Variants in FNBP1L observed in about 807,000 individuals in gnomAD.
The protein encoded by FNBP1L is formin-binding protein 1-like.
FNBP1L carries 36 observed loss-of-function variants against 91.2 expected under a neutral mutation model. The observed-to-expected ratio is 0.39, with a 90% confidence interval of 0.30 to 0.52. The LOEUF (loss-of-function observed/expected upper bound fraction) is 0.52, where lower values mean the gene tolerates loss of function less well. Among genes scored for constraint, FNBP1L ranks in the 20% least tolerant of loss-of-function variants. The probability of loss-of-function intolerance (pLI) is 0.66; values close to 1 mark genes in which losing one functional copy is unlikely to be tolerated. For synonymous variants in FNBP1L, 242 were observed against 237.0 expected (o/e 1.02, Z -0.19); for missense variants, 571 against 732.1 (o/e 0.78, Z 2.54).
At position 93,524,247 on chromosome 1, in the gene FNBP1L, GT is replaced by G; in HGVS notation, c.343-12del. 6.8e-7 allele frequency: 1 copy of G among 1,464,780 alleles called. No individual in the cohort carries two copies. Among genetic ancestry groups the G allele is most frequent in the Non-Finnish European group, 9.0e-7 (1 of 1,108,774 alleles). The allele number at this position is 1,464,780 out of a possible 1,614,324, so 90.7% of individuals were successfully genotyped here. On this transcript the variant is annotated splice_polypyrimidine_tract_variant and intron_variant, in intron 4 of 16. Transcript: ENST00000271234. ...TTTATTTTTATTTTTTTTGGCCGTG[GT>G]TATAATCTTCAGCATCTGCAAGAAG...
At chr1:93,456,704 C>A (rs1177392577) in intron 1 of FNBP1L, among the ~76,000 whole-genome samples, 1 of 150,434 alleles carries the variant, frequency 6.6e-6, no homozygotes, top group African/African-American at 2.4e-5. Context: ...CACCTGAGCC[C>A]AGGAGTCGAG....
At chr1:93,459,301 G>T (rs879192443) in intron 1 of FNBP1L, among the ~76,000 whole-genome samples, 1 of 152,128 alleles carries the variant, frequency 6.6e-6, no homozygotes, top group Non-Finnish European at 1.5e-5. Flanking sequence ...TGTGGTTAAG[G>T]GGGGACTACT....
At chr1:93,511,965 CAAAAAAAAAAA>C (rs34752421) in intron 2 of FNBP1L, among the ~76,000 whole-genome samples, 10 of 66,288 alleles carry the variant, frequency 1.5e-4, no homozygotes, top group African/African-American at 5.7e-4. Flanking sequence ...GACTCCGTCT[CAAAAAAAAAAA>C]AAAAAAAAAA....
chr1:93,451,284 G>A (rs1668484328), intron 1 of FNBP1L, among the ~76,000 whole-genome samples: 1 of 151,900 alleles, frequency 6.6e-6, no homozygotes, highest in Non-Finnish European at 1.5e-5. Flanking sequence ...TAACAGATAG[G>A]GACATTAGAG....
chr1:93,546,636 A>G (rs1672248970), intron 12 of FNBP1L, among the ~76,000 whole-genome samples: 1 of 152,204 alleles, frequency 6.6e-6, no homozygotes, highest in South Asian at 2.1e-4. Context: ...CTCTTTTGGT[A>G]TTCTGATTGT....
intron 8 of FNBP1L, 81 bp from the exon 9 acceptor site, chr1:93,534,624 T>G: frequency 2.3e-6 from 2 of 860,200 alleles, no homozygotes; most frequent in South Asian, 2.3e-5. Context: ...TTGTTGTTTT[T>G]TTGTACTGAA....
At chr1:93,548,759 C>T (rs898675482) in intron 14 of FNBP1L, among the ~76,000 whole-genome samples, 5 of 152,144 alleles carry the variant, frequency 3.3e-5, no homozygotes, top group African/African-American at 1.2e-4. Context: ...AGTGAATTCT[C>T]TTCGAAGAGT....
intron 1 of FNBP1L, among the ~76,000 whole-genome samples, chr1:93,483,403 TACAGTC>T (rs1445047433): frequency 6.6e-6 from 1 of 152,198 alleles, no homozygotes; most frequent in African/African-American, 2.4e-5. Context: ...CCACCAGTAT[TACAGTC>T]ACAGTAAGTC....
At chr1:93,477,625 G>A (rs558163471) in intron 1 of FNBP1L, among the ~76,000 whole-genome samples, 1 of 152,244 alleles carries the variant, frequency 6.6e-6, no homozygotes, top group South Asian at 2.1e-4. Flanking sequence ...CTGCTTCTCA[G>A]AAAATGAAGA....
In FNBP1L at chr1:93,463,436, A is replaced by G. The variant is rs544372369; in HGVS notation, c.24+15131A>G. 3.9e-5 allele frequency among the ~76,000 whole-genome samples: 6 copies of G among 152,290 alleles called. No individual in the cohort carries two copies. In the South Asian group the frequency reaches 1.0e-3, roughly 26 times the overall value. Reference sequence around the variant, plus strand: ...TTAGGATGGGGTTGTGTTCCAATTAACCAGTTGTAAAGTTGAAAAACCATA... The same window carrying G: ...TTAGGATGGGGTTGTGTTCCAATTAGCCAGTTGTAAAGTTGAAAAACCATA... On this transcript the variant is annotated intron_variant, in intron 1 of 16. Coordinates refer to ENST00000271234, the MANE Select transcript of FNBP1L (RefSeq NM_001164473.3).
Position 93,542,776 on chromosome 1 carries a change from CTTTTTTTTTT to C in FNBP1L, c.1165-1318_1165-1309del, listed in dbSNP as rs34922906. On this transcript the variant is annotated intron_variant, in intron 11 of 16. Transcript: ENST00000271234. Reference sequence around the variant, plus strand: ...TTATATTCTTTTTTCTTTTCTTTACCTTTTTTTTTTTTTTTTTTTTTTAAAAGACGGAGTC... The same window carrying C: ...TTATATTCTTTTTTCTTTTCTTTACCTTTTTTTTTTTTAAAAGACGGAGTC... Among the ~76,000 whole-genome samples, 29 of 125,590 alleles carry C rather than the reference CTTTTTTTTTT, an allele frequency of 2.3e-4. 1 individual carries two copies. The South Asian group carries it at 3.8e-3, about 16-fold the overall frequency. The allele number at this position is 125,590 out of a possible 152,430, so 82.4% of individuals were successfully genotyped here.
intron 1 of FNBP1L, among the ~76,000 whole-genome samples, chr1:93,478,245 A>T (rs562092172): frequency 6.6e-6 from 1 of 152,160 alleles, no homozygotes; most frequent in Non-Finnish European, 1.5e-5. Flanking sequence ...AGAGCAGGGT[A>T]TCAGAACCTG....
chr1:93,521,691 C>T (rs1234479313), intron 2 of FNBP1L, among the ~76,000 whole-genome samples: 2 of 152,114 alleles, frequency 1.3e-5, no homozygotes, highest in Non-Finnish European at 2.9e-5. Flanking sequence ...CTTTTTATAG[C>T]TCCATTGTTA....
chr1:93,480,992 GA>G (rs375975289), intron 1 of FNBP1L, among the ~76,000 whole-genome samples: 75 of 149,724 alleles, frequency 5.0e-4, no homozygotes, highest in African/African-American at 1.5e-3. Flanking sequence ...GTAGAATTAT[GA>G]AAAAAAAAAT....
chr1:93,472,252 TTCCC>T (rs1220765875), intron 1 of FNBP1L, among the ~76,000 whole-genome samples: 4 of 152,340 alleles, frequency 2.6e-5, no homozygotes, highest in Admixed American at 6.5e-5. Context: ...CTGAGTCATA[TTCCC>T]TTTTTACTCC....
intron 16 of FNBP1L, 187 bp from the exon 17 acceptor site, chr1:93,552,222 G>T (rs1672437119): frequency 7.2e-7 from 1 of 1,381,192 alleles, no homozygotes; most frequent in South Asian, 1.9e-5. Context: ...GTGTGGGGAA[G>T]TAAAGTGTGA....
At chr1:93,488,784 GA>G (rs577783826) in intron 1 of FNBP1L, among the ~76,000 whole-genome samples, 1 of 152,192 alleles carries the variant, frequency 6.6e-6, no homozygotes, top group Non-Finnish European at 1.5e-5. Context: ...CAGGTAAGCA[GA>G]AGTATTAGGG....
chr1:93,552,004 A>C (rs567966587), intron 16 of FNBP1L: 2 of 998,472 alleles, frequency 2.0e-6, no homozygotes, highest in African/African-American at 3.4e-5. Flanking sequence ...AGTGTTGACA[A>C]ATTTTAATTT....
intron 8 of FNBP1L, among the ~76,000 whole-genome samples, chr1:93,533,703 T>C (rs1333123709): frequency 6.6e-6 from 1 of 152,208 alleles, no homozygotes. Flanking sequence ...TTCATGAACC[T>C]ATCAAGTAGA....
Sources: gnomAD v4.1 joint callset for allele counts (sites outside exome capture counted in the v4.1 genomes callset) on GRCh38, gnomAD v4.1.1 for gene constraint, MANE v1.5 for transcripts, NCBI Gene and HGNC (gene_info 2026-07-23, HGNC 2026-07-21) for gene names.